The following ZFAT variants were observed in gnomAD, a reference collection of about 807,000 sequenced individuals.
The protein encoded by ZFAT is zinc finger and AT-hook domain containing.
ZFAT carries 64 observed loss-of-function variants against 117.7 expected under a neutral mutation model. The observed-to-expected ratio is 0.54, with a 90% CI of 0.44 to 0.67. The LOEUF (loss-of-function observed/expected upper bound fraction) is 0.67. Ranked by LOEUF, ZFAT falls within the 30% of genes least tolerant of loss-of-function variation. The pLI is 0.00. For missense variants in ZFAT, 1,433 were observed against 1,584.5 expected, an observed-to-expected ratio of 0.90 and a Z score of 1.62; for synonymous variants, 679 against 615.0, an observed-to-expected ratio of 1.10 and a Z score of -1.54.
At chr8:134,812,740 A>G in the ZFAT span, among the ~76,000 whole-genome samples, 1 of 152,200 alleles carries the variant, frequency 6.6e-6, no homozygotes, top group African/African-American at 2.4e-5. Flanking sequence ...TGTCTCAATC[A>G]ATCAGTCAAT....
the ZFAT span, among the ~76,000 whole-genome samples, chr8:134,806,932 G>A: frequency 6.6e-6 from 1 of 152,144 alleles, no homozygotes; most frequent in South Asian, 2.1e-4. Context: ...TGAAGCTAAA[G>A]GTTTACCATT....
At chr8:134,482,386 C>G (rs1263549717) in intron 15 of ZFAT, among the ~76,000 whole-genome samples, 1 of 152,202 alleles carries the variant, frequency 6.6e-6, no homozygotes, top group Non-Finnish European at 1.5e-5. Context: ...CTTGAAAAGC[C>G]TTGGTCATCA....
chr8:134,480,632 A>T (rs1474440601), intron 15 of ZFAT, among the ~76,000 whole-genome samples: 1 of 152,214 alleles, frequency 6.6e-6, no homozygotes, highest in Non-Finnish European at 1.5e-5. Flanking sequence ...TTGGGGTCCC[A>T]GGAGAGGCAT....
chr8:134,559,500 G>T (rs545109678), intron 11 of ZFAT, among the ~76,000 whole-genome samples: 106 of 152,296 alleles, frequency 7.0e-4, no homozygotes, highest in Non-Finnish European at 1.2e-3. Flanking sequence ...GGATAACCCT[G>T]CACAGTAAGC....
At chr8:134,715,623 T>C (rs1814202734), upstream of ZFAT, among the ~76,000 whole-genome samples, 1 of 152,230 alleles carries the variant, frequency 6.6e-6, no homozygotes, top group Non-Finnish European at 1.5e-5. Flanking sequence ...ATTTGTGGAA[T>C]TGGATGTAAA....
intron 7 of ZFAT, chr8:134,599,148 T>C (rs1307953881): frequency 6.6e-6 from 1 of 152,150 alleles, no homozygotes; most frequent in Non-Finnish European, 1.5e-5. Flanking sequence ...ACAAACAACA[T>C]GCCTTCACAT....
chr8:134,746,439 T>G, the ZFAT span, among the ~76,000 whole-genome samples: 1 of 152,252 alleles, frequency 6.6e-6, no homozygotes, highest in Admixed American at 6.5e-5. Flanking sequence ...TGTGTTAATG[T>G]ACCCTAAAAT....
chr8:134,720,053 C>A, the ZFAT span, among the ~76,000 whole-genome samples: 2 of 152,210 alleles, frequency 1.3e-5, no homozygotes. Context: ...TTTGGAACGC[C>A]GCCTCTGGAA....
At chr8:134,715,537 AT>A (rs1421958261), upstream of ZFAT, among the ~76,000 whole-genome samples, 2 of 152,238 alleles carry the variant, frequency 1.3e-5, no homozygotes, top group Non-Finnish European at 2.9e-5. Context: ...TGATTTGCAC[AT>A]TTTCAATCAG....
chr8:134,767,022 C>T, the ZFAT span: 1 of 152,168 alleles, frequency 6.6e-6, no homozygotes. Context: ...CTCCTCATCC[C>T]CAAACAATAC....
the ZFAT span, among the ~76,000 whole-genome samples, chr8:134,819,967 A>C: frequency 1.3e-5 from 2 of 152,208 alleles, no homozygotes; most frequent in Non-Finnish European, 2.9e-5. Flanking sequence ...ACAATGGGAA[A>C]TTTAAATGCT....
the ZFAT span, among the ~76,000 whole-genome samples, chr8:134,823,420 T>C: frequency 6.6e-6 from 1 of 152,242 alleles, no homozygotes; most frequent in Non-Finnish European, 1.5e-5. Flanking sequence ...GTATTTTCTG[T>C]ATGTCAGGCA....
chr8:134,790,761 T>C, the ZFAT span, among the ~76,000 whole-genome samples: 1 of 152,172 alleles, frequency 6.6e-6, no homozygotes, highest in African/African-American at 2.4e-5. Context: ...ATGACTGTAA[T>C]CGTAACACTT....
chr8:134,533,353 G>A (rs1821577253), intron 11 of ZFAT, among the ~76,000 whole-genome samples: 1 of 152,152 alleles, frequency 6.6e-6, no homozygotes, highest in Non-Finnish European at 1.5e-5. Flanking sequence ...TTGGTTCCCT[G>A]ATATACAGTC....
chr8:134,524,179 T>A (rs1348805327), intron 12 of ZFAT, among the ~76,000 whole-genome samples: 1 of 152,184 alleles, frequency 6.6e-6, no homozygotes, highest in Non-Finnish European at 1.5e-5. Context: ...TGTACACATC[T>A]GTCCCCTCAC....
chr8:134,826,020 C>CAAA, the ZFAT span, among the ~76,000 whole-genome samples: 2 of 87,800 alleles, frequency 2.3e-5, no homozygotes, highest in Non-Finnish European at 4.9e-5. Flanking sequence ...GACTCTGTCT[C>CAAA]AAAAAAAAAA....
intron 12 of ZFAT, among the ~76,000 whole-genome samples, chr8:134,530,795 T>TA (rs147729688): frequency 0.63 from 95,977 of 151,902 alleles, 30,568 homozygotes; most frequent in Admixed American, 0.71. Flanking sequence ...TAATACAAAT[T>TA]AAAACCAAAG....
chr8:134,497,637 T>G (rs1488419512), intron 15 of ZFAT, among the ~76,000 whole-genome samples: 4 of 46,678 alleles, frequency 8.6e-5, no homozygotes, highest in African/African-American at 4.6e-4. Flanking sequence ...ATGCCCCTGC[T>G]GCTGGTTACA....
At chr8:134,492,544 C>T (rs549904424) in intron 15 of ZFAT, among the ~76,000 whole-genome samples, 1 of 152,192 alleles carries the variant, frequency 6.6e-6, no homozygotes, top group Admixed American at 6.5e-5. Context: ...GGGGAAGAAG[C>T]CTTATTTTTT....
Sources: gnomAD v4.1 joint callset for allele counts (sites outside exome capture counted in the v4.1 genomes callset) on GRCh38, gnomAD v4.1.1 for gene constraint, MANE v1.5 for transcripts, NCBI Gene and HGNC (gene_info 2026-07-23, HGNC 2026-07-21) for gene names.